Variants in CLIP4 observed in about 807,000 individuals in gnomAD.
CLIP4 encodes the protein CAP-Gly domain-containing linker protein 4.
A neutral mutation model predicts 73.1 loss-of-function variants in CLIP4; 47 were observed. The observed-to-expected ratio is 0.64, with a 90% CI of 0.51 to 0.82. The LOEUF is 0.82. Among genes scored for constraint, CLIP4 ranks in the 40% least tolerant of loss-of-function variants. The pLI is 0.00. For missense variants in CLIP4, 874 were observed against 852.9 expected, an observed-to-expected ratio of 1.02 and a Z score of -0.31; for synonymous variants, 306 against 295.4, an observed-to-expected ratio of 1.04 and a Z score of -0.37.
chr2:29,104,356 ACCT>A (rs1668140243), intron 1 of CLIP4, among the ~76,000 whole-genome samples: 1 of 149,974 alleles, frequency 6.7e-6, no homozygotes, highest in African/African-American at 2.5e-5. Flanking sequence ...TCTTACAGCA[ACCT>A]CCACCTCCTG....
intron 8 of CLIP4, among the ~76,000 whole-genome samples, chr2:29,146,430 TTTCTGACAAATGTTTAAGTAAA>T (rs1307609965): frequency 5.9e-5 from 9 of 152,314 alleles, no homozygotes; most frequent in East Asian, 3.9e-4. Flanking sequence ...TTTCTTTCTC[TTTCTGACAAATGTTTAAGTAAA>T]TTCTGACAAA....
At chr2:29,165,149 G>C (rs998587101) in intron 13 of CLIP4, among the ~76,000 whole-genome samples, 14 of 152,142 alleles carry the variant, frequency 9.2e-5, no homozygotes, top group African/African-American at 3.1e-4. Flanking sequence ...AAGTGATTTA[G>C]CTAAAGTCAT....
In CLIP4 at chr2:29,107,368, T is replaced by G. The variant is rs13009009; in HGVS notation, c.-16+9421T>G. ...TCCTGGAACATGATAGTTTTTTTTTTTTTTTTTTTTTTTTTTTTTTTGAGA... is the reference window on the plus strand; with the variant it reads ...TCCTGGAACATGATAGTTTTTTTTTGTTTTTTTTTTTTTTTTTTTTTGAGA... On this transcript the variant is annotated intron_variant, in intron 1 of 14. Transcript: ENST00000401605. Among the ~76,000 whole-genome samples the G allele has an allele frequency of 8.0e-3, 610 of 76,484 alleles. 6 individuals carry two copies. The highest frequency in any genetic ancestry group is 8.6e-3 in the African/African-American group (156 of 18,126). The allele number at this position is 76,484 out of a possible 152,430, so 50.2% of individuals were successfully genotyped here. A position where few individuals can be genotyped will look rare whatever the true frequency, so the allele number is the denominator to read the frequency against.
At chr2:29,167,601 T>C in intron 14 of CLIP4, 61 bp downstream of exon 14, 1 of 1,316,112 alleles carries the variant, frequency 7.6e-7, no homozygotes, top group Non-Finnish European at 1.1e-6. Flanking sequence ...TATTGAAAAA[T>C]TTTTATTATG....
chr2:29,166,878 A>G (rs1195650110), intron 13 of CLIP4, among the ~76,000 whole-genome samples: 3 of 152,226 alleles, frequency 2.0e-5, no homozygotes, highest in African/African-American at 7.2e-5. Flanking sequence ...AAGGCTTTCC[A>G]GATTTAGGTC....
chr2:29,107,503 C>T (rs192103888), intron 1 of CLIP4, among the ~76,000 whole-genome samples: 6 of 150,534 alleles, frequency 4.0e-5, no homozygotes, highest in African/African-American at 1.2e-4. Flanking sequence ...TCCCAAGTAG[C>T]TGGGACTACA....
rs138670709 is a variant in CLIP4 at position 29,133,797 on chromosome 2, G to A, written c.510G>A (p.Leu170=). The part of the protein sequence containing the change: ...FDVPELIRVI[L]KTSKPKDVDA... The stretch of plus-strand genomic sequence containing the variant: ...TCCCTGAACTTATAAGAGTGATTTT[G>A]AAAACATCGAAACCAAAAGGCAAGT... Residue 170 remains leucine (L), a synonymous_variant, in exon 5 of 16, where the codon TTG becomes TTA. Coordinates refer to ENST00000320081, the MANE Select transcript of CLIP4 (RefSeq NM_024692.6). 2.4e-5 allele frequency: 39 copies of A among 1,606,546 alleles called. No individual in the cohort carries two copies. In the African/African-American group the frequency reaches 5.1e-4, roughly 21 times the overall value.
chr2:29,171,179 C>G (rs1197119379), intron 14 of CLIP4, among the ~76,000 whole-genome samples: 1 of 152,152 alleles, frequency 6.6e-6, no homozygotes, highest in Non-Finnish European at 1.5e-5. Flanking sequence ...CTATATAGAT[C>G]AAGTTGGGAA....
At chr2:29,105,500 T>C (rs1220536309) in intron 1 of CLIP4, among the ~76,000 whole-genome samples, 4 of 152,190 alleles carry the variant, frequency 2.6e-5, no homozygotes, top group Non-Finnish European at 5.9e-5. Flanking sequence ...TAGAAACCCA[T>C]GCTGGGTTTT....
chr2:29,131,328 A>G lies in CLIP4; in HGVS notation c.204A>G (p.Ser68=). 6.2e-7 allele frequency: 1 copy of G among 1,611,090 alleles called. No homozygotes were observed. Residue 68 remains serine (S), a synonymous_variant, in exon 3 of 16, where the codon TCA becomes TCG. Coordinates refer to ENST00000320081, the MANE Select transcript of CLIP4 (RefSeq NM_024692.6). ...TTTTTGATCCCAAAACTTCAGTTTCAGAATTATTTGCCATTTTGAGACAGT... is the reference window on the plus strand; with the variant it reads ...TTTTTGATCCCAAAACTTCAGTTTCGGAATTATTTGCCATTTTGAGACAGT... ...EILFDPKTSV[S]ELFAILRQWV... is the part of the protein sequence containing the mutation.
At chr2:29,140,532 A>G (rs1012974936) in intron 6 of CLIP4, among the ~76,000 whole-genome samples, 3 of 152,204 alleles carry the variant, frequency 2.0e-5, no homozygotes, top group African/African-American at 7.2e-5. Flanking sequence ...TAGTGCTGCA[A>G]TAAACATATG....
chr2:29,120,875 G>A (rs1367110052), intron 1 of CLIP4, among the ~76,000 whole-genome samples: 3 of 152,126 alleles, frequency 2.0e-5, no homozygotes, highest in Non-Finnish European at 4.4e-5. Flanking sequence ...TCTTAGATTT[G>A]TAAGAGGGAT....
chr2:29,121,618 A>G, intron 2 of CLIP4, 97 bp downstream of exon 2: 1 of 1,371,186 alleles, frequency 7.3e-7, no homozygotes, highest in South Asian at 1.4e-5. Context: ...AACCATTTTT[A>G]TGGTTTTCAT....
chr2:29,170,575 A>G (rs1257172263), intron 14 of CLIP4, among the ~76,000 whole-genome samples: 1 of 152,200 alleles, frequency 6.6e-6, no homozygotes, highest in Non-Finnish European at 1.5e-5. Flanking sequence ...TTAACAGTGT[A>G]TTTCACAGAG....
intron 13 of CLIP4, among the ~76,000 whole-genome samples, chr2:29,166,356 C>G (rs1372592470): frequency 6.6e-6 from 1 of 151,964 alleles, no homozygotes; most frequent in South Asian, 2.1e-4. Context: ...GCTTCCTATC[C>G]CAGAATCTTT....
chr2:29,138,893 T>A (rs1665563359), intron 6 of CLIP4, among the ~76,000 whole-genome samples: 1 of 152,070 alleles, frequency 6.6e-6, no homozygotes, highest in Admixed American at 6.6e-5. Flanking sequence ...TCTAGGAGGT[T>A]TTTTTTGGCA....
intron 15 of CLIP4, among the ~76,000 whole-genome samples, chr2:29,177,508 G>A (rs1224938449): frequency 6.6e-6 from 1 of 152,048 alleles, no homozygotes; most frequent in Non-Finnish European, 1.5e-5. Context: ...TTGAACCTGG[G>A]GGGCAGAGGT....
At chr2:29,150,678 T>G (rs1666501701) in intron 8 of CLIP4, among the ~76,000 whole-genome samples, 1 of 135,786 alleles carries the variant, frequency 7.4e-6, no homozygotes, top group Non-Finnish European at 1.6e-5. Flanking sequence ...TGAGACAGTC[T>G]CTCACTCTGT....
intron 6 of CLIP4, among the ~76,000 whole-genome samples, chr2:29,142,697 C>T (rs1487376110): frequency 6.6e-6 from 1 of 152,240 alleles, no homozygotes; most frequent in African/African-American, 2.4e-5. Flanking sequence ...TTCTAAAAGC[C>T]TCGTTCATTT....
Sources: gnomAD v4.1 joint callset for allele counts (sites outside exome capture counted in the v4.1 genomes callset) on GRCh38, gnomAD v4.1.1 for gene constraint, MANE v1.5 for transcripts, NCBI Gene and HGNC (gene_info 2026-07-23, HGNC 2026-07-21) for gene names.